The following ZMAT3 variants were observed in gnomAD, a reference collection of about 807,000 sequenced individuals.
ZMAT3 encodes the protein zinc finger matrin-type protein 3.
In ZMAT3, 17 loss-of-function variants were observed where a neutral mutation model predicts 32.3. That is an observed-to-expected ratio of 0.53 (90% CI 0.36 to 0.79). ZMAT3 has a LOEUF of 0.79. Ranked by LOEUF, ZMAT3 falls within the 30% of genes least tolerant of loss-of-function variation. The pLI is 0.00. For missense variants in ZMAT3, 329 were observed against 359.7 expected (o/e 0.91, Z 0.69); for synonymous variants, 120 against 133.1 (o/e 0.90, Z 0.68).
chr3:179,042,215 T>G (rs1719977028), intron 2 of ZMAT3, among the ~76,000 whole-genome samples: 2 of 151,460 alleles, frequency 1.3e-5, no homozygotes, highest in Admixed American at 1.3e-4. Context: ...AAGAGGGAAC[T>G]CATTTTATGA....
At chr3:179,041,372 A>G (rs1719918183) in intron 2 of ZMAT3, among the ~76,000 whole-genome samples, 1 of 152,232 alleles carries the variant, frequency 6.6e-6, no homozygotes, top group South Asian at 2.1e-4. Flanking sequence ...CAGAAATCAC[A>G]ACAAACTGCA....
chr3:179,052,103 AT>A (rs1206199280), intron 2 of ZMAT3, among the ~76,000 whole-genome samples: 1 of 152,202 alleles, frequency 6.6e-6, no homozygotes, highest in Non-Finnish European at 1.5e-5. Context: ...TCTTCTAGAC[AT>A]TGACTTAAGC....
In ZMAT3 at chr3:179,027,674, G is replaced by T. The variant is rs370087981; in HGVS notation, c.529C>A (p.Leu177Met). The change falls in exon 4 of 6, where the codon CTG becomes ATG. Residue 177 changes from leucine (L) to methionine (M), a missense_variant. Physicochemically the swap from Leu to Met is conservative, Grantham distance 15 (BLOSUM62 2). Coordinates refer to ENST00000311417, the MANE Select transcript of ZMAT3 (RefSeq NM_022470.4). ...QGKNHAKRLR[L>M]AEAQSNSFSE... Reference sequence around the variant, plus strand: ...AATGAGTTACTCTGAGCTTCCGCCAGCCGCAGCCTCTTGGCATGATTCTTC... The same window carrying T: ...AATGAGTTACTCTGAGCTTCCGCCATCCGCAGCCTCTTGGCATGATTCTTC... 2 of 1,614,202 alleles carry T rather than the reference G, an allele frequency of 1.2e-6. No individual in the cohort carries two copies. The highest frequency in any genetic ancestry group is 1.7e-6 in the Non-Finnish European group (2 of 1,180,036).
At chr3:179,026,478 C>T (rs1023276127) in intron 5 of ZMAT3, among the ~76,000 whole-genome samples, 1 of 150,774 alleles carries the variant, frequency 6.6e-6, no homozygotes, top group African/African-American at 2.4e-5. Flanking sequence ...CCTCCACCTC[C>T]CAGGTTCAAG....
rs756864009 is a variant in ZMAT3 at position 179,025,028 on chromosome 3, C to T, written c.859G>A (p.Gly287Arg). 1.2e-6 allele frequency: 2 copies of T among 1,614,086 alleles called. No homozygotes were observed. The highest frequency in any genetic ancestry group is 2.2e-5 in the South Asian group (2 of 91,068). ...TAATATGATAATCACTATACATATC[C>T]CAGATTCTCCATCTCATTCCTGTAC... ...QRYRNEMENL[G>R]YV Residue 287 changes from glycine (G) to arginine (R), a missense_variant, in exon 6 of 6, where the codon GGA (glycine) becomes AGA (arginine). Coordinates refer to ENST00000311417, the MANE Select transcript of ZMAT3 (RefSeq NM_022470.4).
intron 2 of ZMAT3, among the ~76,000 whole-genome samples, chr3:179,037,733 C>G (rs574597967): frequency 3.9e-5 from 6 of 152,268 alleles, no homozygotes; most frequent in African/African-American, 1.2e-4. Context: ...CTAAGGAAGT[C>G]AAGGCTAAGA....
chr3:179,071,528 C>A (rs1721714830), intron 1 of ZMAT3, 67 bp downstream of exon 1: 1 of 152,278 alleles, frequency 6.6e-6, no homozygotes, highest in African/African-American at 2.4e-5. Flanking sequence ...CGGAAAGGAA[C>A]CGCTAGTCCC....
intron 2 of ZMAT3, among the ~76,000 whole-genome samples, chr3:179,056,307 C>T (rs1019954593): frequency 4.0e-4 from 61 of 150,640 alleles, no homozygotes; most frequent in African/African-American, 1.4e-3. Flanking sequence ...GCAGGCGAAA[C>T]GGGACAAACG....
At position 179,067,590 on chromosome 3, in the gene ZMAT3, T is replaced by G; in HGVS notation, c.163A>C (p.Lys55Gln). ...LPLAGEEELS[K>Q]GGEQDCALEE... is the part of the protein sequence containing the mutation. ...AGGGCACAGTCTTGCTCCCCTCCCTTCGATAACTCTTCTTCCCCTGCAAGA... is the reference window on the plus strand; with the variant it reads ...AGGGCACAGTCTTGCTCCCCTCCCTGCGATAACTCTTCTTCCCCTGCAAGA... The change falls in exon 2 of 6, where the codon AAG becomes CAG. Residue 55 changes from lysine (K) to glutamine (Q), a missense_variant. Coordinates refer to ENST00000311417, the MANE Select transcript of ZMAT3 (RefSeq NM_022470.4). 1 of 1,614,162 alleles carries G rather than the reference T, an allele frequency of 6.2e-7. No homozygotes were observed. Among genetic ancestry groups the G allele is most frequent in the Non-Finnish European group, 8.5e-7 (1 of 1,180,022 alleles).
At chr3:179,033,279 T>C (rs950721598) in intron 2 of ZMAT3, among the ~76,000 whole-genome samples, 5 of 152,214 alleles carry the variant, frequency 3.3e-5, no homozygotes, top group African/African-American at 9.7e-5. Flanking sequence ...AACAGATGCT[T>C]GAAGGCAGCA....
Position 179,021,697 on chromosome 3 carries a change from G to A in ZMAT3, c.*3320C>T, listed in dbSNP as rs1220162117. The A allele has an allele frequency of 2.0e-5, 3 of 152,116 alleles. No individual in the cohort carries two copies. Among genetic ancestry groups the A allele is most frequent in the South Asian group, 2.1e-4 (1 of 4,828 alleles). The allele number at this position is 152,116 out of a possible 1,614,324, so 9.4% of individuals were successfully genotyped here. A position where few individuals can be genotyped will look rare whatever the true frequency, so the allele number is the denominator to read the frequency against. ...CTGAGCTTCACAAAATGAAACCAAC[G>A]AAGATCACATATCACTGACTCAGAA... On this transcript the variant is annotated 3_prime_UTR_variant, in exon 6 of 6. Coordinates refer to ENST00000311417, the MANE Select transcript of ZMAT3 (RefSeq NM_022470.4).
intron 2 of ZMAT3, among the ~76,000 whole-genome samples, chr3:179,053,175 G>A (rs570975517): frequency 6.7e-6 from 1 of 149,852 alleles, no homozygotes; most frequent in Admixed American, 6.6e-5. Flanking sequence ...TAGAATATAG[G>A]TATAGATATA....
At position 179,020,569 on chromosome 3, in the gene ZMAT3, T is replaced by G. The variant is rs900171753; in HGVS notation, c.*4448A>C. On this transcript the variant is annotated 3_prime_UTR_variant, in exon 6 of 6. Transcript: ENST00000311417. Reference sequence around the variant, plus strand: ...CTGTTCAAAAGCCTGCATTAAACTTTTATCTGTCCTGACAAAACATGTCTC... The same window carrying G: ...CTGTTCAAAAGCCTGCATTAAACTTGTATCTGTCCTGACAAAACATGTCTC... The G allele has an allele frequency of 2.6e-5, 4 of 152,256 alleles. No homozygotes were observed. The highest frequency in any genetic ancestry group is 7.2e-5 in the African/African-American group (3 of 41,476). 9.4% of individuals were successfully genotyped at this position (152,256 alleles called of 1,614,324 possible). A position where few individuals can be genotyped will look rare whatever the true frequency, so the allele number is the denominator to read the frequency against.
At chr3:179,033,633 TA>T (rs1719422372) in intron 2 of ZMAT3, among the ~76,000 whole-genome samples, 1 of 152,150 alleles carries the variant, frequency 6.6e-6, no homozygotes, top group Non-Finnish European at 1.5e-5. Flanking sequence ...ATGCCACAGA[TA>T]AATATGAATT....
Position 179,067,715 on chromosome 3 carries a change from T to G in ZMAT3, c.38A>C (p.Lys13Thr). The G allele has an allele frequency of 6.2e-7, 1 of 1,614,086 alleles. No homozygotes were observed. ...LLQHAVLPPPKQPSPSPPMSV... is the reference protein window; with the variant it reads ...LLQHAVLPPPTQPSPSPPMSV... ...CATAGGAGGCGAGGGTGAGGGCTGC[T>G]TAGGTGGAGGAAGCACGGCGTGTTG... Residue 13 changes from lysine (K) to threonine (T), a missense_variant, in exon 2 of 6, where the codon AAG becomes ACG. Lys to Thr is a moderately conservative substitution (Grantham distance 78). Coordinates refer to ENST00000311417, the MANE Select transcript of ZMAT3 (RefSeq NM_022470.4).
At chr3:179,036,665 A>C (rs1158939458) in intron 2 of ZMAT3, among the ~76,000 whole-genome samples, 1 of 152,162 alleles carries the variant, frequency 6.6e-6, no homozygotes, top group Non-Finnish European at 1.5e-5. Context: ...AGAGTCAACA[A>C]TCTCAATCTC....
chr3:179,024,953 A>C lies in ZMAT3; in HGVS notation c.*64T>G, dbSNP rs1718784135. 1 of 1,483,372 alleles carries C rather than the reference A, an allele frequency of 6.7e-7. No individual in the cohort carries two copies. The highest frequency in any genetic ancestry group is 1.7e-5 in the Admixed American group (1 of 59,792). The allele number at this position is 1,483,372 out of a possible 1,614,324, so 91.9% of individuals were successfully genotyped here. On this transcript the variant is annotated 3_prime_UTR_variant, in exon 6 of 6. Coordinates refer to ENST00000311417, the MANE Select transcript of ZMAT3 (RefSeq NM_022470.4). ...ACTCATATCAAAAAGACCACAAAGC[A>C]GGGCAAGTTGACAAAAGGCAAACAA... is the stretch of plus-strand genomic sequence containing the variant.
At chr3:179,056,248 C>T (rs1720836057) in intron 2 of ZMAT3, among the ~76,000 whole-genome samples, 2 of 151,950 alleles carry the variant, frequency 1.3e-5, no homozygotes. Context: ...AACTTAGAAA[C>T]CCTATTTAAC....
Position 179,023,456 on chromosome 3 carries a change from C to G in ZMAT3, c.*1561G>C, listed in dbSNP as rs981677457. On this transcript the variant is annotated 3_prime_UTR_variant, in exon 6 of 6. Transcript: ENST00000311417. ...TTTATTTGCTTTTTAAAAAATTCCTCTGTGTATAAAACAGCAGGTGGTGAT... is the reference window on the plus strand; with the variant it reads ...TTTATTTGCTTTTTAAAAAATTCCTGTGTGTATAAAACAGCAGGTGGTGAT... 6.6e-6 allele frequency: 1 copy of G among 151,068 alleles called. No individual in the cohort carries two copies. The highest frequency in any genetic ancestry group is 1.5e-5 in the Non-Finnish European group (1 of 67,864). The allele number at this position is 151,068 out of a possible 1,614,324, so 9.4% of individuals were successfully genotyped here.
Sources: gnomAD v4.1 joint callset for allele counts (sites outside exome capture counted in the v4.1 genomes callset) on GRCh38, gnomAD v4.1.1 for gene constraint, MANE v1.5 for transcripts, NCBI Gene and HGNC (gene_info 2026-07-23, HGNC 2026-07-21) for gene names.